The following PEBP4 variants were observed in gnomAD, a reference collection of about 807,000 sequenced individuals.
PEBP4 encodes phosphatidylethanolamine-binding protein 4.
In PEBP4, 22 loss-of-function variants were observed where a neutral mutation model predicts 23.9. That is an observed-to-expected ratio of 0.92 (90% CI 0.66 to 1.31). The LOEUF (loss-of-function observed/expected upper bound fraction) is 1.31. PEBP4 is among the 40% of genes most tolerant of loss of function. PEBP4 has a pLI of 0.00. For missense variants in PEBP4, 324 were observed against 281.7 expected, an observed-to-expected ratio of 1.15 and a Z score of -1.07; for synonymous variants, 112 against 99.3, an observed-to-expected ratio of 1.13 and a Z score of -0.76.
chr8:22,849,826 C>T (rs1324792065), intron 3 of PEBP4, among the ~76,000 whole-genome samples: 5 of 152,178 alleles, frequency 3.3e-5, no homozygotes, highest in African/African-American at 1.2e-4. Flanking sequence ...TCAAGACATT[C>T]ACATGTCCAT....
chr8:22,815,920 C>T (rs929808639), intron 4 of PEBP4, among the ~76,000 whole-genome samples: 1 of 152,144 alleles, frequency 6.6e-6, no homozygotes, highest in Non-Finnish European at 1.5e-5. Context: ...CTGAAGTCAT[C>T]CCACCCTAAC....
intron 4 of PEBP4, among the ~76,000 whole-genome samples, chr8:22,812,083 A>G (rs552287418): frequency 6.6e-6 from 1 of 152,288 alleles, no homozygotes; most frequent in South Asian, 2.1e-4. Flanking sequence ...TCCTCTTTGC[A>G]TATGTAATTT....
chr8:22,880,800 G>T (rs1407420705), intron 3 of PEBP4, among the ~76,000 whole-genome samples: 1 of 152,240 alleles, frequency 6.6e-6, no homozygotes, highest in Non-Finnish European at 1.5e-5. Flanking sequence ...GGCAGGGGCA[G>T]CCTAGACCCA....
intron 6 of PEBP4, among the ~76,000 whole-genome samples, chr8:22,722,836 G>C (rs10110300): frequency 6.6e-6 from 1 of 151,216 alleles, no homozygotes; most frequent in East Asian, 2.0e-4. Flanking sequence ...GTAGTGGCGC[G>C]ATCTCAGCTC....
In PEBP4 at chr8:22,817,738, G is replaced by T. The variant is rs751305165; in HGVS notation, c.259-3C>A. 14 of 1,613,316 alleles carry T rather than the reference G, an allele frequency of 8.7e-6. No individual in the cohort carries two copies. Among genetic ancestry groups the T allele is most frequent in the Non-Finnish European group, 1.2e-5 (14 of 1,179,342 alleles). ...ATCACCAGGATATAGGTTGCGCCCT[G>T]TAACACATGTACCGAAAAGTAATGT... On this transcript the variant is annotated splice_region_variant and splice_polypyrimidine_tract_variant and intron_variant, in intron 3 of 6. Coordinates refer to ENST00000256404, the MANE Select transcript of PEBP4 (RefSeq NM_144962.3).
chr8:22,801,250 T>A (rs28523851), intron 4 of PEBP4, among the ~76,000 whole-genome samples: 54,944 of 152,014 alleles, frequency 0.36, 10,370 homozygotes, highest in Middle Eastern at 0.45. Flanking sequence ...TTGACAGGCA[T>A]GATCTCACTT....
chr8:22,734,854 G>A (rs1221514422), intron 4 of PEBP4, among the ~76,000 whole-genome samples: 1 of 152,312 alleles, frequency 6.6e-6, no homozygotes, highest in South Asian at 2.1e-4. Flanking sequence ...TTGCTTCTAG[G>A]AGTAAGGAGT....
chr8:22,890,396 C>T (rs139818398), intron 3 of PEBP4, among the ~76,000 whole-genome samples: 1 of 152,342 alleles, frequency 6.6e-6, no homozygotes, highest in East Asian at 1.9e-4. Flanking sequence ...ATTTTAGGAA[C>T]TTTATGTCAA....
At position 22,865,068 on chromosome 8, in the gene PEBP4, C is replaced by T. The variant is rs1001072867; in HGVS notation, c.259-47333G>A. ...AAGGGGTAGGTCACCAGGCGGGGAC[C>T]TGCAGGGCCAGACGCCGAGCCCTGG... On this transcript the variant is annotated intron_variant, in intron 3 of 6. Coordinates refer to ENST00000256404, the MANE Select transcript of PEBP4 (RefSeq NM_144962.3). The surrounding 1 kb of genome is among the most constrained non-coding windows in gnomAD (Gnocchi z 6.9). 2.6e-4 allele frequency among the ~76,000 whole-genome samples: 40 copies of T among 152,126 alleles called. No individual in the cohort carries two copies. Among genetic ancestry groups the T allele is most frequent in the African/African-American group, 8.9e-4 (37 of 41,426 alleles).
intron 4 of PEBP4, among the ~76,000 whole-genome samples, chr8:22,795,180 T>TATATATAA (rs1806223865): frequency 9.6e-6 from 1 of 103,756 alleles, no homozygotes; most frequent in Non-Finnish European, 1.9e-5. Flanking sequence ...TTTTTTTTTT[T>TATATATAA]TTTTTTTTTT....
At chr8:22,823,618 A>G (rs2128762862) in intron 3 of PEBP4, among the ~76,000 whole-genome samples, 1 of 152,052 alleles carries the variant, frequency 6.6e-6, no homozygotes, top group Non-Finnish European at 1.5e-5. Flanking sequence ...CAAACTGTTA[A>G]CAGTAAATGT....
Position 22,908,001 on chromosome 8 carries a change from G to A in PEBP4, c.258+12183C>T, listed in dbSNP as rs945581250. 4.1e-5 allele frequency among the ~76,000 whole-genome samples: 6 copies of A among 144,768 alleles called. No homozygotes were observed. In the South Asian group the frequency reaches 1.3e-3, roughly 32 times the overall value. 95.0% of individuals were successfully genotyped at this position (144,768 alleles called of 152,430 possible). ...GCACTCCTGCATGGGTGACAGAGTG[G>A]GACCCTGTCTCAAAAAAAAAAAAAG... On this transcript the variant is annotated intron_variant, in intron 3 of 6. Coordinates refer to ENST00000256404, the MANE Select transcript of PEBP4 (RefSeq NM_144962.3).
chr8:22,898,429 A>C (rs1808640325), intron 3 of PEBP4, among the ~76,000 whole-genome samples: 1 of 107,214 alleles, frequency 9.3e-6, no homozygotes, highest in Non-Finnish European at 2.0e-5. Flanking sequence ...AAAAAAAAAA[A>C]AACCCACCCA....
chr8:22,877,368 C>A (rs71515805), intron 3 of PEBP4, among the ~76,000 whole-genome samples: 1 of 152,074 alleles, frequency 6.6e-6, no homozygotes, highest in Non-Finnish European at 1.5e-5. Context: ...AAACCAACCT[C>A]CTGGTTGGTT....
chr8:22,808,259 CT>C (rs1806545709), intron 4 of PEBP4, among the ~76,000 whole-genome samples: 1 of 152,056 alleles, frequency 6.6e-6, no homozygotes, highest in South Asian at 2.1e-4. Context: ...ATCCCTCCAT[CT>C]ATCTATTCAT....
intron 3 of PEBP4, chr8:22,884,639 C>A (rs1451270245): frequency 6.6e-6 from 1 of 152,258 alleles, no homozygotes; most frequent in Non-Finnish European, 1.5e-5. Flanking sequence ...GCATCCACCC[C>A]CTTGACAAAG....
intron 3 of PEBP4, among the ~76,000 whole-genome samples, chr8:22,879,066 A>G (rs1216202298): frequency 6.6e-6 from 1 of 152,218 alleles, no homozygotes; most frequent in Non-Finnish European, 1.5e-5. Flanking sequence ...ACATTTTACT[A>G]TGCTCTATCC....
chr8:22,781,712 G>T (rs1027794933), intron 4 of PEBP4, among the ~76,000 whole-genome samples: 3 of 152,184 alleles, frequency 2.0e-5, no homozygotes, highest in African/African-American at 7.2e-5. Flanking sequence ...TCCTTGCCTG[G>T]CCTCTGCCCC....
Position 22,927,859 on chromosome 8 carries a change from CA to C in PEBP4, c.-44del. On this transcript the variant is annotated 5_prime_UTR_variant, in exon 1 of 7. Transcript: ENST00000256404. ...CACAGGGAGAAGGACAGGCAGCTTC[CA>C]GGGCTCCGCAGCTAATCCAGTCCAC... The C allele has an allele frequency of 1.0e-6, 1 of 952,616 alleles. No homozygotes were observed. The highest frequency in any genetic ancestry group is 1.5e-6 in the Non-Finnish European group (1 of 652,034). 59.0% of individuals were successfully genotyped at this position (952,616 alleles called of 1,614,324 possible).
Sources: gnomAD v4.1 joint callset for allele counts (sites outside exome capture counted in the v4.1 genomes callset) on GRCh38, gnomAD v4.1.1 for gene constraint, Gnocchi (gnomAD v3.1) non-coding constraint, MANE v1.5 for transcripts, NCBI Gene and HGNC (gene_info 2026-07-23, HGNC 2026-07-21) for gene names.